The following SPAG16 variants were observed in gnomAD, a reference collection of about 807,000 sequenced individuals.
SPAG16 encodes the protein sperm-associated antigen 16 protein.
A neutral mutation model predicts 80.4 loss-of-function variants in SPAG16; 86 were observed. The ratio of observed to expected loss-of-function variants is 1.07; its 90% confidence interval spans 0.90 to 1.28. The LOEUF is 1.28. Among genes scored for constraint, SPAG16 ranks in the 50% most tolerant of loss-of-function variants. The pLI is 0.00. For missense variants in SPAG16, 870 were observed against 765.3 expected, an observed-to-expected ratio of 1.14 and a Z score of -1.61; for synonymous variants, 294 against 265.9, an observed-to-expected ratio of 1.11 and a Z score of -1.03.
At chr2:214,323,057 C>T (rs1324091481) in intron 15 of SPAG16, among the ~76,000 whole-genome samples, 1 of 152,186 alleles carries the variant, frequency 6.6e-6, no homozygotes, top group Non-Finnish European at 1.5e-5. Flanking sequence ...ATTTATTCTG[C>T]ACTTTGTTGC....
At chr2:213,504,999 C>CAGCAT (rs1344665781) in intron 10 of SPAG16, among the ~76,000 whole-genome samples, 1 of 152,208 alleles carries the variant, frequency 6.6e-6, no homozygotes, top group Non-Finnish European at 1.5e-5. Context: ...ACTTGCTCCA[C>CAGCAT]AGCATAGATA....
At chr2:213,366,789 C>CT (rs149557462) in intron 8 of SPAG16, among the ~76,000 whole-genome samples, 59 of 149,594 alleles carry the variant, frequency 3.9e-4, no homozygotes, top group Admixed American at 2.2e-3. Context: ...GCAATAGAAT[C>CT]TTTTTTTTTT....
intron 10 of SPAG16, among the ~76,000 whole-genome samples, chr2:213,594,764 A>G (rs112810461): frequency 3.3e-5 from 5 of 152,342 alleles, no homozygotes; most frequent in African/African-American, 1.2e-4. Flanking sequence ...GAGACAATTA[A>G]CAGATGTTTG....
intron 13 of SPAG16, among the ~76,000 whole-genome samples, chr2:214,060,760 A>G (rs2050220007): frequency 6.6e-6 from 1 of 152,202 alleles, no homozygotes; most frequent in South Asian, 2.1e-4. Flanking sequence ...GGAGTGGGAC[A>G]GAGAGTTGGA....
intron 10 of SPAG16, among the ~76,000 whole-genome samples, chr2:213,725,424 A>G (rs1424590955): frequency 6.6e-6 from 1 of 152,216 alleles, no homozygotes; most frequent in East Asian, 1.9e-4. Flanking sequence ...TTCTAAATTC[A>G]TCATCATGGA....
intron 6 of SPAG16, among the ~76,000 whole-genome samples, chr2:213,344,391 T>G (rs930601389): frequency 8.6e-5 from 13 of 152,036 alleles, no homozygotes; most frequent in African/African-American, 2.9e-4. Context: ...TTTCTTTTTT[T>G]TTTGTATTTT....
intron 11 of SPAG16, among the ~76,000 whole-genome samples, chr2:213,925,210 A>G (rs2078413355): frequency 6.6e-6 from 1 of 152,140 alleles, no homozygotes; most frequent in African/African-American, 2.4e-5. Context: ...ATATTTCTAT[A>G]TACTTACATG....
chr2:214,029,424 G>C (rs560155049), intron 13 of SPAG16, among the ~76,000 whole-genome samples: 5 of 152,016 alleles, frequency 3.3e-5, no homozygotes, highest in Non-Finnish European at 7.4e-5. Context: ...AGATATTGGA[G>C]GGCTTCGAGC....
At position 213,974,964 on chromosome 2, in the gene SPAG16, A is replaced by C. The variant is rs112235443; in HGVS notation, c.1401-38987A>C. On this transcript the variant is annotated intron_variant, in intron 12 of 15. Transcript: ENST00000331683. The stretch of plus-strand genomic sequence containing the variant: ...AGATGTCGTTAAAAAAAAAAAAAAA[A>C]ACACAAAATGTGTAAAAAGAGACAT... 3.3e-4 allele frequency among the ~76,000 whole-genome samples: 48 copies of C among 147,690 alleles called. 1 individual carries two copies. Among genetic ancestry groups the C allele is most frequent in the Admixed American group, 9.4e-4 (14 of 14,922 alleles).
chr2:213,388,827 T>C, intron 9 of SPAG16, among the ~76,000 whole-genome samples: 1 of 152,148 alleles, frequency 6.6e-6, no homozygotes, highest in East Asian at 1.9e-4. Flanking sequence ...TGAGGGAAAT[T>C]AAAGAAGACA....
At chr2:214,308,546 A>G (rs1695081570) in intron 15 of SPAG16, among the ~76,000 whole-genome samples, 1 of 152,054 alleles carries the variant, frequency 6.6e-6, no homozygotes, top group Non-Finnish European at 1.5e-5. Flanking sequence ...TCCATCTTTA[A>G]TGCTTCCTTT....
intron 11 of SPAG16, among the ~76,000 whole-genome samples, chr2:213,908,605 G>A (rs75473892): frequency 0.01 from 1,578 of 152,114 alleles, 35 homozygotes; most frequent in African/African-American, 0.035. Context: ...CCTATATATA[G>A]TGCTGTCCTC....
intron 13 of SPAG16, among the ~76,000 whole-genome samples, chr2:214,079,380 A>G (rs1391741542): frequency 1.3e-5 from 2 of 152,206 alleles, no homozygotes; most frequent in Non-Finnish European, 1.5e-5. Flanking sequence ...CAATCTGGTA[A>G]AGAAAAGAAA....
intron 10 of SPAG16, among the ~76,000 whole-genome samples, chr2:213,782,518 C>A (rs904254111): frequency 6.6e-6 from 1 of 152,136 alleles, no homozygotes; most frequent in Non-Finnish European, 1.5e-5. Flanking sequence ...TCTTTGATCC[C>A]TTTCAAAAAG....
At chr2:214,253,797 G>A (rs1175075539) in intron 15 of SPAG16, among the ~76,000 whole-genome samples, 1 of 152,100 alleles carries the variant, frequency 6.6e-6, no homozygotes, top group African/African-American at 2.4e-5. Context: ...GCTCTCTTTT[G>A]GGTCTGTATG....
At chr2:214,381,409 G>C (rs1700444059) in intron 15 of SPAG16, among the ~76,000 whole-genome samples, 1 of 152,112 alleles carries the variant, frequency 6.6e-6, no homozygotes, top group African/African-American at 2.4e-5. Flanking sequence ...GACATAATGA[G>C]ATATAATTCA....
intron 10 of SPAG16, among the ~76,000 whole-genome samples, chr2:213,713,412 C>G (rs2066093554): frequency 6.6e-6 from 1 of 152,104 alleles, no homozygotes. Context: ...CAAAAGGAGG[C>G]TGGAAACAGT....
At chr2:213,553,399 C>G (rs968345308) in intron 10 of SPAG16, among the ~76,000 whole-genome samples, 1 of 152,110 alleles carries the variant, frequency 6.6e-6, no homozygotes, top group Non-Finnish European at 1.5e-5. Flanking sequence ...ATGGTATAGG[C>G]TATCAGCATG....
intron 10 of SPAG16, among the ~76,000 whole-genome samples, chr2:213,638,837 G>A (rs1367073195): frequency 6.6e-6 from 1 of 151,972 alleles, no homozygotes; most frequent in African/African-American, 2.4e-5. Context: ...CGCTGTCTGT[G>A]GAATATTGAA....
Sources: allele counts gnomAD v4.1 joint callset (sites outside exome capture counted in the v4.1 genomes callset), GRCh38; gene constraint gnomAD v4.1.1; transcripts MANE v1.5; gene names NCBI Gene and HGNC (gene_info 2026-07-23, HGNC 2026-07-21).